DPYD: variants seen among roughly 807,000 people sequenced by gnomAD.
DPYD encodes the protein dihydropyrimidine dehydrogenase.
DPYD carries 109 observed loss-of-function variants against 116.2 expected under a neutral mutation model. The observed-to-expected ratio is 0.94, with a 90% CI of 0.80 to 1.10. The LOEUF (loss-of-function observed/expected upper bound fraction) is 1.10. Ranked by LOEUF, DPYD falls within the 50% of genes least tolerant of loss-of-function variation. The probability of loss-of-function intolerance (pLI) is 0.00; values close to 1 mark genes in which losing one functional copy is unlikely to be tolerated. For missense variants in DPYD, 1,302 were observed against 1,254.5 expected (o/e 1.04, Z -0.57); for synonymous variants, 440 against 432.0 (o/e 1.02, Z -0.23).
chr1:97,488,640 C>G (rs1370734037), intron 13 of DPYD, among the ~76,000 whole-genome samples: 1 of 152,096 alleles, frequency 6.6e-6, no homozygotes, highest in African/African-American at 2.4e-5. Flanking sequence ...GGTTCAGACA[C>G]CAGACCCAAT....
At chr1:97,873,789 A>G (rs1186069601) in intron 2 of DPYD, among the ~76,000 whole-genome samples, 1 of 151,994 alleles carries the variant, frequency 6.6e-6, no homozygotes, top group African/African-American at 2.4e-5. Context: ...ACACACTAAG[A>G]TTTCAGTAAA....
At chr1:97,223,553 T>A (rs1250076221) in intron 19 of DPYD, among the ~76,000 whole-genome samples, 1 of 152,018 alleles carries the variant, frequency 6.6e-6, no homozygotes, top group African/African-American at 2.4e-5. Context: ...TAAATTAAAT[T>A]AAATTATAGA....
chr1:97,676,996 G>C (rs1660176746), intron 8 of DPYD, among the ~76,000 whole-genome samples: 1 of 152,168 alleles, frequency 6.6e-6, no homozygotes, highest in Non-Finnish European at 1.5e-5. Context: ...TCACACCTCA[G>C]TGCAGAGTCA....
intron 14 of DPYD, among the ~76,000 whole-genome samples, chr1:97,425,600 C>A (rs923437281): frequency 6.6e-6 from 1 of 152,002 alleles, no homozygotes; most frequent in Non-Finnish European, 1.5e-5. Context: ...CAGATGTCTA[C>A]GAAGGCATCT....
chr1:97,900,950 A>T (rs1377577810), intron 1 of DPYD, among the ~76,000 whole-genome samples: 1 of 151,870 alleles, frequency 6.6e-6, no homozygotes, highest in African/African-American at 2.4e-5. Context: ...ATATACTTCA[A>T]CAATAAGACA....
chr1:97,702,909 A>G (rs928589443), intron 5 of DPYD, among the ~76,000 whole-genome samples: 4 of 152,018 alleles, frequency 2.6e-5, no homozygotes, highest in African/African-American at 9.7e-5. Flanking sequence ...CCTATTAAGT[A>G]CCCAACACAG....
chr1:97,155,290 C>A (rs765857211), intron 20 of DPYD, among the ~76,000 whole-genome samples: 1 of 152,128 alleles, frequency 6.6e-6, no homozygotes, highest in Non-Finnish European at 1.5e-5. Flanking sequence ...CAAGTGTTGT[C>A]ATAAGTCTGA....
At chr1:97,396,129 T>A (rs1202281608) in intron 14 of DPYD, among the ~76,000 whole-genome samples, 1 of 152,086 alleles carries the variant, frequency 6.6e-6, no homozygotes, top group Admixed American at 6.6e-5. Context: ...TATTACATGC[T>A]GTGTACTTGC....
intron 2 of DPYD, among the ~76,000 whole-genome samples, chr1:97,873,650 A>T (rs1051761985): frequency 6.6e-6 from 1 of 151,898 alleles, no homozygotes; most frequent in African/African-American, 2.4e-5. Context: ...CGTATTTCCC[A>T]TTAATAAAAA....
intron 16 of DPYD, among the ~76,000 whole-genome samples, chr1:97,361,983 G>A (rs140436951): frequency 2.0e-5 from 3 of 152,156 alleles, no homozygotes; most frequent in Non-Finnish European, 4.4e-5. Flanking sequence ...GAAATAAAGG[G>A]CATTCAATTA....
chr1:97,157,706 T>C (rs1655576253), intron 20 of DPYD, among the ~76,000 whole-genome samples: 1 of 152,158 alleles, frequency 6.6e-6, no homozygotes, highest in Admixed American at 6.6e-5. Flanking sequence ...GAGTATTGCT[T>C]CTGAAATATT....
intron 13 of DPYD, among the ~76,000 whole-genome samples, chr1:97,478,962 A>C (rs1678149051): frequency 6.6e-6 from 1 of 152,186 alleles, no homozygotes; most frequent in Non-Finnish European, 1.5e-5. Context: ...TCTCTTCTGC[A>C]GCTCCCTTAC....
chr1:97,719,274 A>C (rs1240377243), intron 5 of DPYD, among the ~76,000 whole-genome samples: 3 of 151,578 alleles, frequency 2.0e-5, no homozygotes, highest in Non-Finnish European at 4.4e-5. Flanking sequence ...TCACATGCTC[A>C]TGTTAAACTG....
rs537740207 is a variant in DPYD, at chr1:97,618,223, T to C, written c.851-23057A>G. Among the ~76,000 whole-genome samples, 34 of 152,294 alleles carry C rather than the reference T, an allele frequency of 2.2e-4. No individual in the cohort carries two copies. In the South Asian group the frequency reaches 6.6e-3, roughly 30 times the overall value. ...ACTCTCCATGGCAAGGGACTAGTCT[T>C]CTTTCATTCCAATCCTTTTCAATTA... On this transcript the variant is annotated intron_variant, in intron 8 of 22. Coordinates refer to ENST00000370192, the MANE Select transcript of DPYD (RefSeq NM_000110.4).
intron 16 of DPYD, among the ~76,000 whole-genome samples, chr1:97,350,437 T>A (rs1405369755): frequency 5.3e-5 from 8 of 152,172 alleles, no homozygotes; most frequent in Non-Finnish European, 1.0e-4. Flanking sequence ...GGGTTGCTCA[T>A]AACATTTTTA....
intron 7 of DPYD, among the ~76,000 whole-genome samples, chr1:97,686,185 A>C (rs942396213): frequency 1.3e-5 from 2 of 152,206 alleles, no homozygotes; most frequent in South Asian, 4.1e-4. Flanking sequence ...ACACAATACA[A>C]CCATCTGGTC....
chr1:97,716,869 A>G (rs1233578588), intron 5 of DPYD, among the ~76,000 whole-genome samples: 1 of 152,072 alleles, frequency 6.6e-6, no homozygotes. Context: ...TATATGTTCA[A>G]TCTAAAGCAA....
At chr1:97,389,237 G>A (rs1672532461) in intron 14 of DPYD, among the ~76,000 whole-genome samples, 1 of 150,492 alleles carries the variant, frequency 6.6e-6, no homozygotes, top group South Asian at 2.1e-4. Flanking sequence ...GAGCCCAGGA[G>A]TTTTGAGGCT....
intron 16 of DPYD, among the ~76,000 whole-genome samples, chr1:97,320,736 T>C (rs200073759): frequency 0.058 from 90 of 1,558 alleles, 3 homozygotes; most frequent in East Asian, 0.17. Context: ...AAAACTACTT[T>C]AAAGTTCATA....
Sources: gnomAD v4.1 joint callset for allele counts (sites outside exome capture counted in the v4.1 genomes callset) on GRCh38, gnomAD v4.1.1 for gene constraint, MANE v1.5 for transcripts, NCBI Gene and HGNC (gene_info 2026-07-23, HGNC 2026-07-21) for gene names.